PRKAG2: variants seen among roughly 807,000 people sequenced by gnomAD.
PRKAG2 encodes protein kinase AMP-activated non-catalytic subunit gamma 2, also known as 5'-AMP-activated protein kinase subunit gamma-2.
PRKAG2 carries 26 observed loss-of-function variants against 69.6 expected under a neutral mutation model. The observed-to-expected ratio is 0.37, with a 90% CI of 0.27 to 0.52. The LOEUF (loss-of-function observed/expected upper bound fraction) is 0.52. Ranked by LOEUF, PRKAG2 falls within the 20% of genes least tolerant of loss-of-function variation. The probability of loss-of-function intolerance (pLI) is 0.90; values close to 1 mark genes in which losing one functional copy is unlikely to be tolerated. For missense variants in PRKAG2, 557 were observed against 740.0 expected (o/e 0.75, Z 2.87); for synonymous variants, 293 against 285.0 (o/e 1.03, Z -0.28).
chr7:151,585,297 TGG>T (rs950299428), intron 6 of PRKAG2, among the ~76,000 whole-genome samples: 19 of 152,350 alleles, frequency 1.2e-4, no homozygotes, highest in African/African-American at 4.3e-4. Flanking sequence ...CATCTTTTCT[TGG>T]GAGGTTTTAT....
chr7:151,759,431 CGA>C (rs1385165173), intron 3 of PRKAG2, among the ~76,000 whole-genome samples: 1 of 152,202 alleles, frequency 6.6e-6, no homozygotes, highest in Non-Finnish European at 1.5e-5. Flanking sequence ...GGTATCCCCA[CGA>C]GGGCAGGGAT....
chr7:151,586,349 A>G (rs551592811), intron 6 of PRKAG2, among the ~76,000 whole-genome samples: 3 of 152,174 alleles, frequency 2.0e-5, no homozygotes, highest in South Asian at 2.1e-4. Flanking sequence ...TTTTTGGTCA[A>G]TTCATGACCG....
At chr7:151,830,925 TC>T (rs1180971024) in intron 1 of PRKAG2, among the ~76,000 whole-genome samples, 6 of 151,914 alleles carry the variant, frequency 3.9e-5, no homozygotes, top group African/African-American at 1.2e-4. Flanking sequence ...TGAAGGAGTT[TC>T]CCTCACTTAA....
At chr7:151,843,178 C>T (rs2079352128) in intron 1 of PRKAG2, among the ~76,000 whole-genome samples, 1 of 152,114 alleles carries the variant, frequency 6.6e-6, no homozygotes, top group South Asian at 2.1e-4. Flanking sequence ...TATAAACCTA[C>T]ACACAGACGT....
In PRKAG2 at chr7:151,600,852, C is replaced by T. The variant is rs114455363; in HGVS notation, c.755-5398G>A. 3.1e-3 allele frequency among the ~76,000 whole-genome samples: 472 copies of T among 152,306 alleles called. 2 individuals are homozygous for T. Among genetic ancestry groups the T allele is most frequent in the African/African-American group, 0.01 (434 of 41,566 alleles). ...GAAGTGAACGTCTGAGTGCTCATTACGGACCAGGTACTGCAATAAATCACC... is the reference window on the plus strand; with the variant it reads ...GAAGTGAACGTCTGAGTGCTCATTATGGACCAGGTACTGCAATAAATCACC... On this transcript the variant is annotated intron_variant, in intron 5 of 15. Transcript: ENST00000287878.
At position 151,780,462 on chromosome 7, in the gene PRKAG2, C is replaced by A. The variant is rs926248636; in HGVS notation, c.466+690G>T. On this transcript the variant is annotated intron_variant, in intron 3 of 15. Transcript: ENST00000287878. The surrounding 1 kb of genome is among the most constrained non-coding windows in gnomAD (Gnocchi z 4.2). ...AGTAGAAAGAACTGGAAAGAATAGA[C>A]AAAGGAAAGGAGAAAGTAAACGCCA... 6.6e-6 allele frequency among the ~76,000 whole-genome samples: 1 copy of A among 152,174 alleles called. No individual in the cohort carries two copies. Among genetic ancestry groups the A allele is most frequent in the Admixed American group, 6.5e-5 (1 of 15,282 alleles).
chr7:151,747,749 G>A (rs902430438), intron 3 of PRKAG2, among the ~76,000 whole-genome samples: 2 of 151,992 alleles, frequency 1.3e-5, no homozygotes, highest in Admixed American at 6.6e-5. Flanking sequence ...AAAAACAAAA[G>A]TCATTCTACC....
chr7:151,665,685 T>G (rs370067881), intron 4 of PRKAG2, among the ~76,000 whole-genome samples: 13 of 152,168 alleles, frequency 8.5e-5, no homozygotes, highest in Non-Finnish European at 1.9e-4. Flanking sequence ...TAATCTGTTG[T>G]GAGTCACAGA....
At chr7:151,761,985 T>A (rs2075439360) in intron 3 of PRKAG2, among the ~76,000 whole-genome samples, 1 of 152,234 alleles carries the variant, frequency 6.6e-6, no homozygotes, top group Non-Finnish European at 1.5e-5. Context: ...TTCACTGGCA[T>A]GTGGGAAGGG....
rs1208767401 is a variant in PRKAG2, at chr7:151,576,508, C to CT, written c.865-57dup. On this transcript the variant is annotated intron_variant, in intron 6 of 15. Transcript: ENST00000287878. ...TTTCAAAGTCCAGGAAGAAAAATAC[C>CT]TTTTTTTTTTGAGACAAGGTTTCAC... 9,226 of 1,238,152 alleles carry CT rather than the reference C, an allele frequency of 7.5e-3. 9 individuals are homozygous for CT. The highest frequency in any genetic ancestry group is 0.024 in the African/African-American group (1,595 of 65,294). The allele number at this position is 1,238,152 out of a possible 1,614,324, so 76.7% of individuals were successfully genotyped here.
At chr7:151,580,696 T>C (rs1467008831) in intron 6 of PRKAG2, among the ~76,000 whole-genome samples, 1 of 151,928 alleles carries the variant, frequency 6.6e-6, no homozygotes, top group Admixed American at 6.6e-5. Flanking sequence ...AATGTATAAC[T>C]AAGTTCACAT....
At chr7:151,754,317 A>C (rs2074918797) in intron 3 of PRKAG2, among the ~76,000 whole-genome samples, 1 of 152,256 alleles carries the variant, frequency 6.6e-6, no homozygotes, top group Admixed American at 6.5e-5. Flanking sequence ...ATAACTCTGC[A>C]ATGTGTTGGC....
At chr7:151,796,669 A>T (rs995160751) in intron 1 of PRKAG2, among the ~76,000 whole-genome samples, 1 of 152,026 alleles carries the variant, frequency 6.6e-6, no homozygotes, top group Non-Finnish European at 1.5e-5. Context: ...TTCACCCCTG[A>T]GTCACCGGCT....
chr7:151,709,225 A>G (rs1252457851), intron 3 of PRKAG2, among the ~76,000 whole-genome samples: 3 of 152,036 alleles, frequency 2.0e-5, no homozygotes, highest in Non-Finnish European at 4.4e-5. Context: ...GTGTTGTGAC[A>G]CTGACATTGT....
At chr7:151,759,458 C>T (rs1220567605) in intron 3 of PRKAG2, among the ~76,000 whole-genome samples, 2 of 152,222 alleles carry the variant, frequency 1.3e-5, no homozygotes, top group African/African-American at 4.8e-5. Flanking sequence ...TCATTCACTG[C>T]TGCGTTCCCA....
At chr7:151,738,731 A>G (rs1362869352) in intron 3 of PRKAG2, among the ~76,000 whole-genome samples, 1 of 152,236 alleles carries the variant, frequency 6.6e-6, no homozygotes, top group African/African-American at 2.4e-5. Context: ...AACAATGCTA[A>G]TTATTGGTTT....
intron 4 of PRKAG2, among the ~76,000 whole-genome samples, chr7:151,662,561 A>G (rs935891643): frequency 2.0e-5 from 3 of 152,156 alleles, no homozygotes; most frequent in African/African-American, 7.2e-5. Context: ...TTTCTGGTTT[A>G]GTCTTTTCCG....
intron 15 of PRKAG2, chr7:151,558,184 AC>A: frequency 2.0e-6 from 2 of 985,400 alleles, no homozygotes; most frequent in East Asian, 2.3e-4. Flanking sequence ...GTTGCTAAAA[AC>A]TTTTTTGAGA....
chr7:151,623,227 G>T (rs1821941258), intron 5 of PRKAG2, among the ~76,000 whole-genome samples: 1 of 151,948 alleles, frequency 6.6e-6, no homozygotes, highest in Non-Finnish European at 1.5e-5. Flanking sequence ...GGTTGGGCAT[G>T]GTGGCAAGTG....
Sources: gnomAD v4.1 joint callset for allele counts (sites outside exome capture counted in the v4.1 genomes callset) on GRCh38, gnomAD v4.1.1 for gene constraint, Gnocchi (gnomAD v3.1) non-coding constraint, MANE v1.5 for transcripts, NCBI Gene and HGNC (gene_info 2026-07-23, HGNC 2026-07-21) for gene names.